Variants in SCNN1D observed in about 807,000 individuals in gnomAD.
SCNN1D encodes sodium channel epithelial 1 subunit delta, also known as epithelial sodium channel subunit delta.
In SCNN1D, 104 loss-of-function variants were observed where a neutral mutation model predicts 87.8. The observed-to-expected ratio is 1.18, with a 90% CI of 1.01 to 1.39. SCNN1D has a LOEUF of 1.39. SCNN1D is among the 40% of genes most tolerant of loss of function. SCNN1D has a pLI of 0.00. For missense variants in SCNN1D, 1,324 were observed against 1,093.9 expected (o/e 1.21, Z -2.97); for synonymous variants, 628 against 481.2 (o/e 1.31, Z -3.99).
intron 7 of SCNN1D, among the ~76,000 whole-genome samples, 174 bp downstream of exon 7, chr1:1,286,452 C>T (rs560577736): frequency 5.1e-4 from 78 of 152,292 alleles, no homozygotes; most frequent in Middle Eastern, 3.4e-3. Flanking sequence ...CCGGACCTCT[C>T]GGACTGCCAA....
rs866258210 is a variant in SCNN1D, at chr1:1,289,389, T to C, written c.1663-882T>C. 3.1e-3 allele frequency among the ~76,000 whole-genome samples: 5 copies of C among 1,612 alleles called. 1 individual carries two copies. Among genetic ancestry groups the C allele is most frequent in the South Asian group, 0.036 (1 of 28 alleles). The allele number at this position is 1,612 out of a possible 152,430, so 1.1% of individuals were successfully genotyped here. ...TCTCTGCTCCGTCCCGTGTCTCTGC[T>C]CCGTCCCCCGTGTCTCTGCTCCGTC... On this transcript the variant is annotated intron_variant, in intron 12 of 17. Coordinates refer to ENST00000379116, the MANE Select transcript of SCNN1D (RefSeq NM_001130413.4).
intron 4 of SCNN1D, among the ~76,000 whole-genome samples, chr1:1,282,836 T>C (rs1377240978): frequency 6.6e-6 from 1 of 151,496 alleles, no homozygotes; most frequent in African/African-American, 2.4e-5. Context: ...CACTGCAAGC[T>C]CCGCCTCCTG....
In SCNN1D at chr1:1,291,179, G is replaced by A. The variant is rs766384396; in HGVS notation, c.2052+39G>A. On this transcript the variant is annotated intron_variant, in intron 17 of 17. Coordinates refer to ENST00000379116, the MANE Select transcript of SCNN1D (RefSeq NM_001130413.4). ...CCCTGCCTGGGCTAGAGCGGGGGCA[G>A]CGACAGTGGCTGGCCCTGCACAGAA... The A allele has an allele frequency of 5.0e-6, 8 of 1,600,302 alleles. No individual in the cohort carries two copies. The African/African-American group carries it at 5.3e-5, about 11-fold the overall frequency.
chr1:1,288,663 T>TCC (rs779164878), intron 12 of SCNN1D, among the ~76,000 whole-genome samples: 10 of 85,730 alleles, frequency 1.2e-4, no homozygotes, highest in African/African-American at 3.8e-4. Flanking sequence ...CTCTGCTCCG[T>TCC]CCCGTGTCTC....
chr1:1,286,393 C>A, intron 7 of SCNN1D, 115 bp downstream of exon 7: 1 of 829,120 alleles, frequency 1.2e-6, no homozygotes, highest in Non-Finnish European at 1.9e-6. Flanking sequence ...TCTGTGTGGT[C>A]AATGCCACCC....
intron 4 of SCNN1D, among the ~76,000 whole-genome samples, chr1:1,282,839 G>C (rs557622196): frequency 6.6e-6 from 1 of 151,004 alleles, no homozygotes; most frequent in South Asian, 2.1e-4. Flanking sequence ...TGCAAGCTCC[G>C]CCTCCTGGGT....
chr1:1,287,610 C>G lies in SCNN1D; in HGVS notation c.1399+14C>G. ...GCATCACCCACGGTGGGTGCCAGCC[C>G]CTGGCCGGTGCGGGGGCAGGGGTGC... On this transcript the variant is annotated intron_variant, in intron 10 of 17. Transcript: ENST00000379116. 2 of 1,608,244 alleles carry G rather than the reference C, an allele frequency of 1.2e-6. No individual in the cohort carries two copies. Among genetic ancestry groups the G allele is most frequent in the Non-Finnish European group, 1.7e-6 (2 of 1,176,936 alleles).
At chr1:1,281,849 C>T (rs1170676476) in intron 3 of SCNN1D, 3 of 586,546 alleles carry the variant, frequency 5.1e-6, no homozygotes, top group East Asian at 5.7e-5. Flanking sequence ...GGCTCTTTCT[C>T]TCTCTGCACC....
intron 7 of SCNN1D, among the ~76,000 whole-genome samples, 154 bp downstream of exon 7, chr1:1,286,432 G>A (rs188945061): frequency 1.1e-4 from 17 of 152,206 alleles, no homozygotes; most frequent in South Asian, 6.2e-4. Context: ...CCCAAACCTC[G>A]GTGCCCAGCC....
rs1001330619 is a variant in SCNN1D, at chr1:1,287,379, A to G, written c.1310+80A>G. ...GCACCCCTGGGGTCCCTCTGGCTGT[A>G]TGCTGGGAGCCACCCAAGGCTGGCC... On this transcript the variant is annotated intron_variant, in intron 9 of 17. Coordinates refer to ENST00000379116, the MANE Select transcript of SCNN1D (RefSeq NM_001130413.4). The G allele has an allele frequency of 5.4e-6, 8 of 1,492,408 alleles. No homozygotes were observed. The Admixed American group carries it at 1.5e-4, about 28-fold the overall frequency. The allele number at this position is 1,492,408 out of a possible 1,614,324, so 92.4% of individuals were successfully genotyped here. A position where few individuals can be genotyped will look rare whatever the true frequency, so the allele number is the denominator to read the frequency against.
At chr1:1,290,432 G>GGA in intron 13 of SCNN1D, 44 bp downstream of exon 13, 1 of 1,611,488 alleles carries the variant, frequency 6.2e-7, no homozygotes, top group African/African-American at 1.3e-5. Flanking sequence ...CCATTAGCCG[G>GGA]GGGGTCACAG....
Position 1,281,210 on chromosome 1 carries a change from C to T in SCNN1D, c.6-16C>T, listed in dbSNP as rs1484817724. 1.3e-5 allele frequency: 20 copies of T among 1,534,168 alleles called. No individual in the cohort carries two copies. The highest frequency in any genetic ancestry group is 9.6e-5 in the African/African-American group (7 of 72,982). On this transcript the variant is annotated splice_polypyrimidine_tract_variant and intron_variant, in intron 1 of 17. Transcript: ENST00000379116. ...TGGCTGGGGTCCCACAGATGCCAGG[C>T]GCCTGCCATCTCCAGGGCAGTGCTG...
At chr1:1,287,340 C>G (rs756822934) in intron 9 of SCNN1D, 41 bp downstream of exon 9, 1 of 1,528,708 alleles carries the variant, frequency 6.5e-7, no homozygotes, top group East Asian at 2.4e-5. Context: ...CGTCCCACCC[C>G]ACAGAGCGTG....
At chr1:1,290,849 CGGGGGCAT>C in intron 15 of SCNN1D, 38 bp from the exon 16 acceptor site, 2 of 1,601,942 alleles carry the variant, frequency 1.2e-6, no homozygotes, top group Non-Finnish European at 1.7e-6. Flanking sequence ...CCAGGATGGC[CGGGGGCAT>C]GGGGGAGCCG....
In SCNN1D at chr1:1,291,294, T is replaced by C. The variant is rs781538651; in HGVS notation, c.2093T>C (p.Leu698Pro). Residue 698 changes from leucine (L) to proline (P), a missense_variant, in exon 18 of 18, where the codon CTG becomes CCG. Transcript: ENST00000379116. Reference sequence around the variant, plus strand: ...TCGGCCATGGGCAGCCTCTGCAGCCTGTGGTTTGGGGCCTCCGTCCTCTCC... The same window carrying C: ...TCGGCCATGGGCAGCCTCTGCAGCCCGTGGTTTGGGGCCTCCGTCCTCTCC... ...LLSAMGSLCS[L>P]WFGASVLSLL... 16 of 1,574,792 alleles carry C rather than the reference T, an allele frequency of 1.0e-5. No homozygotes were observed. Among genetic ancestry groups the C allele is most frequent in the Non-Finnish European group, 1.4e-5 (16 of 1,162,620 alleles).
In SCNN1D at chr1:1,290,642, C is replaced by T. The variant is rs773067714; in HGVS notation, c.1865C>T (p.Ser622Phe). The T allele has an allele frequency of 6.2e-7, 1 of 1,612,662 alleles. No homozygotes were observed. The highest frequency in any genetic ancestry group is 8.5e-7 in the Non-Finnish European group (1 of 1,179,940). The change falls in exon 15 of 18, where the codon TCT becomes TTT. Residue 622 changes from serine to phenylalanine, a missense_variant. Physicochemically the swap from Ser to Phe is radical, Grantham distance 155 (BLOSUM62 -2). Coordinates refer to ENST00000379116, the MANE Select transcript of SCNN1D (RefSeq NM_001130413.4). ...TSRCPRPCRE[S>F]AFKLSTGTSR... is the part of the protein sequence containing the mutation. ...CACCCGGCTGTCTCTTCCAGGGAGT[C>T]TGCATTCAAGCTCTCCACTGGGACC... is the stretch of plus-strand genomic sequence containing the variant.
At chr1:1,285,460 C>T (rs1024452223) in intron 5 of SCNN1D, 111 bp from the exon 6 acceptor site, 2 of 723,696 alleles carry the variant, frequency 2.8e-6, no homozygotes, top group Non-Finnish European at 4.4e-6. Flanking sequence ...GCAGGCCACA[C>T]TGGGGGCTGG....
At chr1:1,284,663 G>T (rs1453860519) in intron 5 of SCNN1D, among the ~76,000 whole-genome samples, 5 of 152,000 alleles carry the variant, frequency 3.3e-5, no homozygotes, top group African/African-American at 1.2e-4. Context: ...GACCATTGGG[G>T]GTGCATAGCG....
chr1:1,286,817 G>A lies in SCNN1D; in HGVS notation c.961G>A (p.Glu321Lys). 1 of 1,612,702 alleles carries A rather than the reference G, an allele frequency of 6.2e-7. No individual in the cohort carries two copies. Among genetic ancestry groups the A allele is most frequent in the Non-Finnish European group, 8.5e-7 (1 of 1,179,938 alleles). The change falls in exon 8 of 18, where the codon GAG becomes AAG. Residue 321 changes from glutamate (E) to lysine (K), a missense_variant. Coordinates refer to ENST00000379116, the MANE Select transcript of SCNN1D (RefSeq NM_001130413.4). ...HLELLDEFAR[E>K]NIDSLYNVNL... ...GGAGCTGCTGGACGAGTTTGCCAGGGAGAACATTGACTCCCTGTACAACGT... is the reference window on the plus strand; with the variant it reads ...GGAGCTGCTGGACGAGTTTGCCAGGAAGAACATTGACTCCCTGTACAACGT...
Sources: allele counts gnomAD v4.1 joint callset (sites outside exome capture counted in the v4.1 genomes callset), GRCh38; gene constraint gnomAD v4.1.1; transcripts MANE v1.5; gene names NCBI Gene and HGNC (gene_info 2026-07-23, HGNC 2026-07-21).